RIPOR2: variants seen among roughly 807,000 people sequenced by gnomAD.
The protein encoded by RIPOR2 is rho family-interacting cell polarization regulator 2.
RIPOR2 carries 39 observed loss-of-function variants against 114.5 expected under a neutral mutation model. The ratio of observed to expected loss-of-function variants is 0.34; its 90% CI spans 0.26 to 0.44. The LOEUF is 0.44. Among genes scored for constraint, RIPOR2 ranks in the 20% least tolerant of loss-of-function variants. RIPOR2 has a pLI of 1.00. For synonymous variants in RIPOR2, 445 were observed against 484.4 expected (o/e 0.92, Z 1.07); for missense variants, 1,007 against 1,255.1 (o/e 0.80, Z 2.99).
At chr6:24,855,371 TA>T (rs57828921) in intron 8 of RIPOR2, among the ~76,000 whole-genome samples, 12,544 of 111,748 alleles carry the variant, frequency 0.11, 1,412 homozygotes, top group African/African-American at 0.3. Context: ...TATATGACTT[TA>T]TTTTTTTTTT....
intron 1 of RIPOR2, among the ~76,000 whole-genome samples, chr6:24,960,690 T>C (rs592258): frequency 0.8 from 120,866 of 151,966 alleles, 51,619 homozygotes; most frequent in East Asian, 0.96. Flanking sequence ...GTAGTGCACC[T>C]GGCTAATTTT....
upstream of RIPOR2, chr6:25,042,037 C>A: frequency 8.2e-6 from 4 of 490,444 alleles, no homozygotes; most frequent in South Asian, 9.0e-5. Context: ...AAACTTAACC[C>A]CCCCCTTTTT....
Position 24,825,372 on chromosome 6 carries a change from T to C in RIPOR2, c.2722A>G (p.Ser908Gly). Residue 908 changes from serine to glycine, a missense_variant, in exon 19 of 22, where the codon AGT becomes GGT. Ser to Gly is a moderately conservative substitution (Grantham distance 56). Transcript: ENST00000643898. ...LRDEKLLQTM[S>G]DLAPSNLLAQ... ...AGGAGGTTGCTGGGAGCAAGGTCAC[T>C]CATGGTTTGTAGCAGTTTTTCATCT... 6.4e-7 allele frequency: 1 copy of C among 1,552,168 alleles called. No individual in the cohort carries two copies. Among genetic ancestry groups the C allele is most frequent in the Non-Finnish European group, 8.7e-7 (1 of 1,147,076 alleles).
rs1270438889 is a variant in RIPOR2, at chr6:25,024,623, AG to A, written c.76+17227del. 37 of 447,124 alleles carry A rather than the reference AG, an allele frequency of 8.3e-5. No homozygotes were observed. The Admixed American group carries it at 1.1e-3, about 14-fold the overall frequency. 27.7% of individuals were successfully genotyped at this position (447,124 alleles called of 1,614,324 possible). A position where few individuals can be genotyped will look rare whatever the true frequency, so the allele number is the denominator to read the frequency against. The stretch of plus-strand genomic sequence containing the variant: ...TTTTTAACCATTGTTAAAGGTTTCC[AG>A]TTCTGTGCCCTTCTGGAAGCAGTGT... On this transcript the variant is annotated intron_variant, in intron 1 of 13. Coordinates refer to the RIPOR2 transcript ENST00000510784.
At chr6:24,952,087 T>A (rs1772799941) in intron 1 of RIPOR2, among the ~76,000 whole-genome samples, 1 of 152,164 alleles carries the variant, frequency 6.6e-6, no homozygotes, top group Admixed American at 6.5e-5. Context: ...ATGACCACAT[T>A]TTTTCTGTAC....
At chr6:24,879,711 T>C (rs1193068747) in intron 1 of RIPOR2, among the ~76,000 whole-genome samples, 1 of 152,216 alleles carries the variant, frequency 6.6e-6, no homozygotes, top group Non-Finnish European at 1.5e-5. Context: ...GGGGTGGTAG[T>C]TCTTCGCTAC....
chr6:24,905,730 C>T (rs1001245003), intron 1 of RIPOR2, among the ~76,000 whole-genome samples: 4 of 152,206 alleles, frequency 2.6e-5, no homozygotes, highest in African/African-American at 9.6e-5. Flanking sequence ...GAAACTGTCA[C>T]TTTGAATTTA....
intron 1 of RIPOR2, among the ~76,000 whole-genome samples, chr6:24,945,940 T>C (rs1772382466): frequency 6.6e-6 from 1 of 152,156 alleles, no homozygotes; most frequent in African/African-American, 2.4e-5. Flanking sequence ...CCTGTCTCAC[T>C]GTAGCAAAAG....
At chr6:24,821,187 T>C (rs566558022) in intron 19 of RIPOR2, among the ~76,000 whole-genome samples, 1 of 149,438 alleles carries the variant, frequency 6.7e-6, no homozygotes, top group African/African-American at 2.5e-5. Context: ...TAACACTGTT[T>C]TTTTTTTTTT....
At chr6:24,980,536 T>C (rs1774243195) in intron 1 of RIPOR2, among the ~76,000 whole-genome samples, 1 of 152,216 alleles carries the variant, frequency 6.6e-6, no homozygotes, top group South Asian at 2.1e-4. Flanking sequence ...CTCCTTGCTC[T>C]TGTCAGAGCC....
At chr6:25,031,747 A>ATTC (rs1776983019) in intron 1 of RIPOR2, among the ~76,000 whole-genome samples, 5 of 73,476 alleles carry the variant, frequency 6.8e-5, no homozygotes, top group Non-Finnish European at 9.1e-5. Flanking sequence ...ATATATATAT[A>ATTC]TATAAAATAT....
At chr6:24,959,666 C>A (rs1383986002) in intron 1 of RIPOR2, among the ~76,000 whole-genome samples, 1 of 152,182 alleles carries the variant, frequency 6.6e-6, no homozygotes, top group Admixed American at 6.5e-5. Flanking sequence ...TCCTCCTCAG[C>A]TAAAAGCAAA....
intron 1 of RIPOR2, among the ~76,000 whole-genome samples, chr6:24,879,740 A>G (rs1372535958): frequency 6.6e-6 from 1 of 152,188 alleles, no homozygotes; most frequent in African/African-American, 2.4e-5. Context: ...CAGCTTCCCC[A>G]GCTCTTCTCC....
In RIPOR2 at chr6:24,821,184, G is replaced by GTTTT. The variant is rs34318379; in HGVS notation, c.2869-2563_2869-2560dup. 3.1e-5 allele frequency among the ~76,000 whole-genome samples: 4 copies of GTTTT among 127,972 alleles called. 1 individual carries two copies. Among genetic ancestry groups the GTTTT allele is most frequent in the Non-Finnish European group, 3.2e-5 (2 of 61,670 alleles). The allele number at this position is 127,972 out of a possible 152,430, so 84.0% of individuals were successfully genotyped here. ...CACCGCGCCCAGCCAGTTTAACACTGTTTTTTTTTTTTTTTGAGATGGAGT... is the reference window on the plus strand; with the variant it reads ...CACCGCGCCCAGCCAGTTTAACACTGTTTTTTTTTTTTTTTTTTTGAGATGGAGT... On this transcript the variant is annotated intron_variant, in intron 19 of 21. Transcript: ENST00000643898.
At chr6:24,979,766 CAATT>C (rs1278882705) in intron 1 of RIPOR2, among the ~76,000 whole-genome samples, 10 of 152,162 alleles carry the variant, frequency 6.6e-5, no homozygotes, top group Non-Finnish European at 4.4e-5. Flanking sequence ...TATAGCATGA[CAATT>C]AAAAGCACAG....
intron 1 of RIPOR2, among the ~76,000 whole-genome samples, chr6:25,019,350 G>A (rs1222489402): frequency 1.3e-5 from 2 of 152,104 alleles, no homozygotes; most frequent in Non-Finnish European, 2.9e-5. Context: ...TATGTATTAG[G>A]AGCCTTAAAA....
At chr6:24,881,010 G>A (rs1379004436) in intron 1 of RIPOR2, among the ~76,000 whole-genome samples, 1 of 152,166 alleles carries the variant, frequency 6.6e-6, no homozygotes, top group African/African-American at 2.4e-5. Flanking sequence ...TTGGGAGGCC[G>A]AGGCGGGTGG....
intron 1 of RIPOR2, among the ~76,000 whole-genome samples, chr6:24,896,157 T>A (rs1033791561): frequency 6.6e-6 from 1 of 152,260 alleles, no homozygotes; most frequent in African/African-American, 2.4e-5. Flanking sequence ...ACTTCAGCAG[T>A]GCTGAGACCA....
intron 1 of RIPOR2, among the ~76,000 whole-genome samples, chr6:24,901,905 T>C (rs150940698): frequency 5.1e-4 from 78 of 152,346 alleles, no homozygotes; most frequent in Admixed American, 3.5e-3. Context: ...AGGGTTGTTC[T>C]GTGGTTTAAA....
Sources: allele counts gnomAD v4.1 joint callset (sites outside exome capture counted in the v4.1 genomes callset), GRCh38; gene constraint gnomAD v4.1.1; transcripts MANE v1.5; gene names NCBI Gene and HGNC (gene_info 2026-07-23, HGNC 2026-07-21).